PTDSS1: variants seen among roughly 807,000 people sequenced by gnomAD.
PTDSS1 encodes PSS-1.
PTDSS1 carries 45 observed loss-of-function variants against 70.5 expected under a neutral mutation model. The ratio of observed to expected loss-of-function variants is 0.64; its 90% confidence interval spans 0.50 to 0.82. The LOEUF (loss-of-function observed/expected upper bound fraction) is 0.82, where lower values mean the gene tolerates loss of function less well. Ranked by LOEUF, PTDSS1 falls within the 40% of genes least tolerant of loss-of-function variation. The pLI, the probability that PTDSS1 is intolerant of heterozygous loss-of-function variation, is 0.00. For missense variants in PTDSS1, 417 were observed against 586.1 expected, an observed-to-expected ratio of 0.71 and a Z score of 2.98; for synonymous variants, 188 against 203.8, an observed-to-expected ratio of 0.92 and a Z score of 0.66.
chr8:96,309,540 C>A lies in PTDSS1; in HGVS notation c.1008-17C>A, dbSNP rs1250029375. On this transcript the variant is annotated splice_polypyrimidine_tract_variant and intron_variant, in intron 8 of 12. Coordinates refer to ENST00000517309, the MANE Select transcript of PTDSS1 (RefSeq NM_014754.3). The stretch of plus-strand genomic sequence containing the variant: ...TCTTCCAGCAGCTCTCAATGAATTC[C>A]AACTTTGTTCTTTCAGACAGTACTA... The A allele has an allele frequency of 1.9e-6, 3 of 1,610,340 alleles. No homozygotes were observed. In the African/African-American group the frequency reaches 4.0e-5, roughly 22 times the overall value.
intron 11 of PTDSS1, chr8:96,330,621 C>T (rs900702033): frequency 1.1e-4 from 41 of 390,434 alleles, no homozygotes; most frequent in Non-Finnish European, 1.8e-4. Flanking sequence ...GTGGAGGCCT[C>T]TTCCTGTGTT....
Position 96,295,031 on chromosome 8 carries a change from G to A in PTDSS1, c.442-67G>A, listed in dbSNP as rs577832890. 545 of 1,431,498 alleles carry A rather than the reference G, an allele frequency of 3.8e-4. 1 individual carries two copies. The highest frequency in any genetic ancestry group is 4.8e-4 in the Non-Finnish European group (502 of 1,054,482). 88.7% of individuals were successfully genotyped at this position (1,431,498 alleles called of 1,614,324 possible). ...TTCATATCTATTCTTTTTATTTACC[G>A]GCAGAATCCTGGAAGCAAGTTGATT... On this transcript the variant is annotated intron_variant, in intron 4 of 12. Transcript: ENST00000517309.
rs1163940925 is a variant in PTDSS1 at position 96,335,679 on chromosome 8, T to C, written c.*2113T>C. The C allele has an allele frequency of 6.6e-6, 1 of 152,238 alleles. No homozygotes were observed. The highest frequency in any genetic ancestry group is 2.4e-5 in the African/African-American group (1 of 41,464). 9.4% of individuals were successfully genotyped at this position (152,238 alleles called of 1,614,324 possible). ...ATGCCCTTTCTTTGAGTTGAAACTT[T>C]CTATTTCCCTTCAGTCAGAGCTCTT... is the stretch of plus-strand genomic sequence containing the variant. On this transcript the variant is annotated 3_prime_UTR_variant, in exon 13 of 13. Coordinates refer to ENST00000517309, the MANE Select transcript of PTDSS1 (RefSeq NM_014754.3).
At chr8:96,307,527 T>C (rs1811143476) in intron 8 of PTDSS1, among the ~76,000 whole-genome samples, 1 of 147,678 alleles carries the variant, frequency 6.8e-6, no homozygotes, top group Non-Finnish European at 1.5e-5. Flanking sequence ...GTCCAAGTCC[T>C]GAGGAGTTAA....
chr8:96,287,335 CCT>C, intron 4 of PTDSS1, 189 bp downstream of exon 4: 1 of 688,130 alleles, frequency 1.5e-6, no homozygotes, highest in South Asian at 2.3e-5. Flanking sequence ...GAAAGAAAAT[CCT>C]CTCATTACGC....
chr8:96,263,584 A>G (rs1246929764), intron 1 of PTDSS1, among the ~76,000 whole-genome samples: 1 of 152,240 alleles, frequency 6.6e-6, no homozygotes, highest in African/African-American at 2.4e-5. Context: ...TGTACAATTC[A>G]TGTCAGTTAC....
chr8:96,303,312 A>G (rs1360296151), intron 6 of PTDSS1, among the ~76,000 whole-genome samples: 1 of 152,130 alleles, frequency 6.6e-6, no homozygotes, highest in Non-Finnish European at 1.5e-5. Context: ...GGATGAAGGA[A>G]CAGCCCTGGT....
At chr8:96,273,258 G>A in intron 1 of PTDSS1, 41 bp from the exon 2 acceptor site, 1 of 1,435,784 alleles carries the variant, frequency 7.0e-7, no homozygotes, top group Admixed American at 2.3e-5. Flanking sequence ...TTTCTATTTG[G>A]ATCTGAAAGT....
chr8:96,273,717 T>C (rs958936250), intron 2 of PTDSS1, among the ~76,000 whole-genome samples: 3 of 152,230 alleles, frequency 2.0e-5, no homozygotes, highest in African/African-American at 7.2e-5. Context: ...GTTGTTTTTG[T>C]TGCTGTTTTT....
At chr8:96,300,755 CATGTAGT>C (rs1811038996) in intron 6 of PTDSS1, among the ~76,000 whole-genome samples, 2 of 152,048 alleles carry the variant, frequency 1.3e-5, no homozygotes, top group South Asian at 2.1e-4. Context: ...ATGGATAAAC[CATGTAGT>C]ATTTAACCAG....
At chr8:96,330,593 C>G in intron 11 of PTDSS1, 1 of 424,852 alleles carries the variant, frequency 2.4e-6, no homozygotes, top group East Asian at 4.7e-5. Context: ...TGGGTTTTCT[C>G]CCCAGCTCTT....
chr8:96,317,627 C>G (rs906257050), intron 9 of PTDSS1, among the ~76,000 whole-genome samples: 1 of 151,946 alleles, frequency 6.6e-6, no homozygotes, highest in African/African-American at 2.4e-5. Context: ...CCCGGCTACT[C>G]GGGAGGCTGA....
At position 96,327,141 on chromosome 8, in the gene PTDSS1, T is replaced by C. The variant is rs193262370; in HGVS notation, c.1174-3072T>C. Among the ~76,000 whole-genome samples the C allele has an allele frequency of 7.2e-5, 11 of 152,288 alleles. No homozygotes were observed. In the East Asian group the frequency reaches 1.4e-3, roughly 19 times the overall value. On this transcript the variant is annotated intron_variant, in intron 10 of 12. Transcript: ENST00000517309. ...CTGTTTTATGGGAAATTCTAATCTG[T>C]CAATAACACTGGAAGGATTTGGTCG...
chr8:96,297,543 C>T (rs1810992937), intron 5 of PTDSS1, among the ~76,000 whole-genome samples: 1 of 152,208 alleles, frequency 6.6e-6, no homozygotes, highest in African/African-American at 2.4e-5. Context: ...TTCACCGGCC[C>T]CTGCCTGCAG....
intron 6 of PTDSS1, among the ~76,000 whole-genome samples, chr8:96,301,216 G>A (rs950460961): frequency 1.3e-5 from 2 of 151,924 alleles, no homozygotes; most frequent in Admixed American, 1.3e-4. Flanking sequence ...TGCAGCCTCC[G>A]CCTCTCAAGT....
At position 96,333,548 on chromosome 8, in the gene PTDSS1, T is replaced by A; in HGVS notation, c.1404T>A (p.Asn468Lys). 6.2e-7 allele frequency: 1 copy of A among 1,611,128 alleles called. No homozygotes were observed. The highest frequency in any genetic ancestry group is 8.5e-7 in the Non-Finnish European group (1 of 1,177,322). ...GGCATTCCAAGTCAAAAGTCACCAATGGCGTTGGAAAGAAATGAAAAACCC... is the reference window on the plus strand; with the variant it reads ...GGCATTCCAAGTCAAAAGTCACCAAAGGCGTTGGAAAGAAATGAAAAACCC... ...RNRHSKSKVT[N>K]GVGKK is the part of the protein sequence containing the mutation. Residue 468 changes from asparagine (N) to lysine (K), a missense_variant, in exon 13 of 13, where the codon AAT (asparagine) becomes AAA (lysine). Physicochemically the swap from Asn to Lys is moderately conservative, Grantham distance 94 (BLOSUM62 0). Around this residue, in one of 3 missense-constraint regions of PTDSS1, gnomAD observed 107 missense variants for 122.3 expected, o/e 0.88. Coordinates refer to ENST00000517309, the MANE Select transcript of PTDSS1 (RefSeq NM_014754.3).
chr8:96,304,148 A>G lies in PTDSS1; in HGVS notation c.861A>G (p.Val287=). 6.2e-7 allele frequency: 1 copy of G among 1,613,846 alleles called. No individual in the cohort carries two copies. The highest frequency in any genetic ancestry group is 8.5e-7 in the Non-Finnish European group (1 of 1,179,940). ...ACCCCAAATCTTCTTTTCAGAGAGT[A>G]GCTGGAGTGTACCTTTTCATGATCA... ...WFDPKSSFQR[V]AGVYLFMIIW... is the part of the protein sequence containing the mutation. Residue 287 remains valine, a synonymous_variant, in exon 7 of 13, where the codon GTA becomes GTG. Transcript: ENST00000517309.
chr8:96,312,145 C>CGTGG (rs1412964956), intron 9 of PTDSS1, among the ~76,000 whole-genome samples: 2 of 152,206 alleles, frequency 1.3e-5, no homozygotes, highest in Non-Finnish European at 2.9e-5. Context: ...ACCATCCCCA[C>CGTGG]GGTGGGAGAA....
Position 96,262,468 on chromosome 8 carries a change from A to G in PTDSS1, c.179+249A>G, listed in dbSNP as rs1810421944. On this transcript the variant is annotated intron_variant, in intron 1 of 12. Coordinates refer to ENST00000517309, the MANE Select transcript of PTDSS1 (RefSeq NM_014754.3). This position sits in a 1 kb window ranked among gnomAD's most constrained non-coding sequence, Gnocchi z 4.4. ...GCGCCTCCGGTTACACGGGGAACGC[A>G]CGCGAGTCACCTAGCACGATCGCCC... Among the ~76,000 whole-genome samples the G allele has an allele frequency of 6.6e-6, 1 of 152,266 alleles. No homozygotes were observed. The highest frequency in any genetic ancestry group is 1.9e-4 in the East Asian group (1 of 5,168).
Sources: allele counts gnomAD v4.1 joint callset (sites outside exome capture counted in the v4.1 genomes callset), GRCh38; gene constraint gnomAD v4.1.1; regional missense constraint gnomAD v4.1.1; non-coding constraint Gnocchi (gnomAD v3.1); transcripts MANE v1.5; gene names NCBI Gene and HGNC (gene_info 2026-07-23, HGNC 2026-07-21).